GRID1: variants seen among roughly 807,000 people sequenced by gnomAD.
The protein encoded by GRID1 is glutamate receptor ionotropic, delta-1.
GRID1 carries 28 observed loss-of-function variants against 98.0 expected under a neutral mutation model. That is an observed-to-expected ratio of 0.29 (90% CI 0.21 to 0.39). The LOEUF (loss-of-function observed/expected upper bound fraction) is 0.39, where lower values mean the gene tolerates loss of function less well. Among genes scored for constraint, GRID1 ranks in the 10% least tolerant of loss-of-function variants. GRID1 has a pLI of 1.00. For missense variants in GRID1, 1,111 were observed against 1,340.5 expected (o/e 0.83, Z 2.67); for synonymous variants, 553 against 538.5 (o/e 1.03, Z -0.37).
intron 12 of GRID1, among the ~76,000 whole-genome samples, chr10:85,661,405 C>G (rs1840964030): frequency 6.6e-6 from 1 of 152,208 alleles, no homozygotes; most frequent in African/African-American, 2.4e-5. Context: ...AAAGCAGCAT[C>G]ATGCACTTTT....
At chr10:86,264,192 C>T (rs1033263451) in intron 2 of GRID1, among the ~76,000 whole-genome samples, 4 of 152,134 alleles carry the variant, frequency 2.6e-5, no homozygotes, top group African/African-American at 9.7e-5. Flanking sequence ...AAGAGCCCAG[C>T]CCCACCAACA....
intron 13 of GRID1, among the ~76,000 whole-genome samples, chr10:85,633,996 A>T (rs1843004377): frequency 6.6e-6 from 1 of 151,960 alleles, no homozygotes; most frequent in Admixed American, 6.6e-5. Context: ...ACATGGAGAA[A>T]CCCTGTCTCT....
At chr10:86,293,236 G>A (rs1367445464) in intron 2 of GRID1, among the ~76,000 whole-genome samples, 2 of 152,172 alleles carry the variant, frequency 1.3e-5, no homozygotes, top group Admixed American at 6.5e-5. Context: ...CCCATGCAGG[G>A]CTGCCATGGC....
At chr10:85,695,467 C>A (rs1407074975) in intron 12 of GRID1, among the ~76,000 whole-genome samples, 2 of 152,126 alleles carry the variant, frequency 1.3e-5, no homozygotes, top group Non-Finnish European at 2.9e-5. Context: ...CCAGGTTGTG[C>A]ATATGGATGA....
At chr10:85,875,257 T>G (rs1187595019) in intron 5 of GRID1, among the ~76,000 whole-genome samples, 3 of 152,172 alleles carry the variant, frequency 2.0e-5, no homozygotes, top group Non-Finnish European at 2.9e-5. Context: ...ATAGATACCC[T>G]ATTTATTTCT....
At chr10:85,909,059 A>G (rs1048895961) in intron 5 of GRID1, among the ~76,000 whole-genome samples, 2 of 152,236 alleles carry the variant, frequency 1.3e-5, no homozygotes, top group South Asian at 4.1e-4. Context: ...TTTTATCCCA[A>G]TGTAAAAAGA....
At chr10:86,244,075 C>T (rs1005539105) in intron 2 of GRID1, among the ~76,000 whole-genome samples, 2 of 152,188 alleles carry the variant, frequency 1.3e-5, no homozygotes, top group Non-Finnish European at 2.9e-5. Context: ...AACACAGCTC[C>T]TCTCCTTATC....
Position 86,336,567 on chromosome 10 carries a change from A to G in GRID1, c.235+27374T>C, listed in dbSNP as rs1205224522. On this transcript the variant is annotated intron_variant, in intron 2 of 15. Coordinates refer to ENST00000327946, the MANE Select transcript of GRID1 (RefSeq NM_017551.3). The stretch of plus-strand genomic sequence containing the variant: ...TGTTTCCCACCATCACCCGGTCCAC[A>G]CCTCCCCATACCCCTGCCGTCCTCT... 4.0e-5 allele frequency among the ~76,000 whole-genome samples: 6 copies of G among 151,734 alleles called. No homozygotes were observed. The East Asian group carries it at 5.8e-4, about 15-fold the overall frequency.
rs547799891 is a variant in GRID1 at position 85,916,784 on chromosome 10, G to A, written c.727-545C>T. 3.3e-5 allele frequency among the ~76,000 whole-genome samples: 5 copies of A among 152,156 alleles called. No homozygotes were observed. Among genetic ancestry groups the A allele is most frequent in the East Asian group, 1.9e-4 (1 of 5,182 alleles). On this transcript the variant is annotated intron_variant, in intron 4 of 15. Transcript: ENST00000327946. The surrounding 1 kb of genome is among the most constrained non-coding windows in gnomAD (Gnocchi z 4.0). ...AGCTCCTGGGCCGTAGCCCCATCCC[G>A]TAACTCTCTATTAGTGTTTTGTTCT...
At chr10:85,821,885 C>T (rs1263824301) in intron 8 of GRID1, among the ~76,000 whole-genome samples, 1 of 152,044 alleles carries the variant, frequency 6.6e-6, no homozygotes, top group Non-Finnish European at 1.5e-5. Flanking sequence ...TAATACCACA[C>T]ATCTACAACC....
chr10:85,805,571 T>C (rs1333006753), intron 8 of GRID1, among the ~76,000 whole-genome samples: 1 of 151,888 alleles, frequency 6.6e-6, no homozygotes, highest in Non-Finnish European at 1.5e-5. Flanking sequence ...AAGTGAAGAA[T>C]TTACATCATG....
chr10:85,902,332 G>T (rs57206807), intron 5 of GRID1, among the ~76,000 whole-genome samples: 6,332 of 152,268 alleles, frequency 0.042, 296 homozygotes, highest in East Asian at 0.19. Context: ...TACAGCGAGA[G>T]CTTTCATCAC....
chr10:86,326,037 T>A (rs1363794230), intron 2 of GRID1, among the ~76,000 whole-genome samples: 2 of 152,164 alleles, frequency 1.3e-5, no homozygotes, highest in Non-Finnish European at 2.9e-5. Context: ...TCAGCAAAAC[T>A]CAAGGATATA....
chr10:86,336,232 TA>T (rs1848219325), intron 2 of GRID1, among the ~76,000 whole-genome samples: 1 of 152,208 alleles, frequency 6.6e-6, no homozygotes, highest in African/African-American at 2.4e-5. Flanking sequence ...CAATAAAATG[TA>T]CACAATAACA....
intron 15 of GRID1, among the ~76,000 whole-genome samples, chr10:85,611,718 A>C (rs1234448032): frequency 2.0e-5 from 3 of 152,114 alleles, no homozygotes; most frequent in African/African-American, 4.8e-5. Flanking sequence ...GGGTGGTAAC[A>C]AGCAGGTGAA....
At chr10:85,858,400 C>A (rs1020267713) in intron 6 of GRID1, among the ~76,000 whole-genome samples, 15 of 152,132 alleles carry the variant, frequency 9.9e-5, no homozygotes, top group Non-Finnish European at 1.9e-4. Flanking sequence ...GGGAGCTCAC[C>A]CCCTCACTGC....
At chr10:86,312,939 C>T (rs1423038199) in intron 2 of GRID1, among the ~76,000 whole-genome samples, 2 of 152,218 alleles carry the variant, frequency 1.3e-5, no homozygotes, top group African/African-American at 4.8e-5. Context: ...TCAGGCACGC[C>T]TCAAGGATGC....
chr10:86,167,574 A>G (rs1160444287), intron 3 of GRID1, among the ~76,000 whole-genome samples: 2 of 152,078 alleles, frequency 1.3e-5, no homozygotes, highest in Non-Finnish European at 2.9e-5. Context: ...GCAGCCTCAC[A>G]CTTTGGCCAA....
At chr10:86,031,088 T>G (rs1264512738) in intron 4 of GRID1, among the ~76,000 whole-genome samples, 2 of 152,178 alleles carry the variant, frequency 1.3e-5, no homozygotes. Context: ...TCCTTTCCGC[T>G]TGGAGACCTT....
Sources: allele counts gnomAD v4.1 joint callset (sites outside exome capture counted in the v4.1 genomes callset), GRCh38; gene constraint gnomAD v4.1.1; non-coding constraint Gnocchi (gnomAD v3.1); transcripts MANE v1.5; gene names NCBI Gene and HGNC (gene_info 2026-07-23, HGNC 2026-07-21).